The following CORIN variants were observed in gnomAD, a reference collection of about 807,000 sequenced individuals.
CORIN encodes the protein corin, serine peptidase.
In CORIN, 117 loss-of-function variants were observed where a neutral mutation model predicts 125.3. The observed-to-expected ratio is 0.93, with a 90% CI of 0.80 to 1.09. The LOEUF (loss-of-function observed/expected upper bound fraction) is 1.09. CORIN is among the 50% of genes least tolerant of loss of function. CORIN has a pLI of 0.00. For missense variants in CORIN, 1,253 were observed against 1,306.7 expected (o/e 0.96, Z 0.63); for synonymous variants, 450 against 466.4 (o/e 0.96, Z 0.45).
intron 3 of CORIN, among the ~76,000 whole-genome samples, chr4:47,783,401 C>CTACA (rs1305705727): frequency 1.3e-5 from 2 of 152,022 alleles, no homozygotes; most frequent in Non-Finnish European, 2.9e-5. Flanking sequence ...CCTAACTGTA[C>CTACA]TACATAGTGT....
chr4:47,697,090 C>T (rs1046321223), intron 5 of CORIN, among the ~76,000 whole-genome samples: 37 of 152,208 alleles, frequency 2.4e-4, no homozygotes, highest in Admixed American at 6.5e-4. Flanking sequence ...TGCTCGAAAT[C>T]AAGTACTATA....
intron 2 of CORIN, among the ~76,000 whole-genome samples, chr4:47,805,148 AAAT>A (rs1553919339): frequency 6.4e-4 from 82 of 129,092 alleles, no homozygotes; most frequent in South Asian, 1.3e-3. Flanking sequence ...AAAAAAAAAA[AAAT>A]AATAATAATA....
intron 1 of CORIN, among the ~76,000 whole-genome samples, chr4:47,820,603 C>T (rs878995748): frequency 6.6e-6 from 1 of 152,114 alleles, no homozygotes; most frequent in Non-Finnish European, 1.5e-5. Context: ...AAGTAGATCT[C>T]AGACTGGTAA....
chr4:47,832,039 T>C (rs1247123076), intron 1 of CORIN, among the ~76,000 whole-genome samples: 1 of 152,224 alleles, frequency 6.6e-6, no homozygotes, highest in Non-Finnish European at 1.5e-5. Context: ...CCCCCAAACA[T>C]TGTACTTAGT....
chr4:47,764,166 G>T (rs557755104), intron 3 of CORIN, among the ~76,000 whole-genome samples: 1 of 152,280 alleles, frequency 6.6e-6, no homozygotes, highest in East Asian at 1.9e-4. Context: ...AACGGATGAT[G>T]CTCATAATAT....
intron 19 of CORIN, among the ~76,000 whole-genome samples, chr4:47,612,351 C>A (rs1283266653): frequency 6.6e-6 from 1 of 152,134 alleles, no homozygotes; most frequent in Non-Finnish European, 1.5e-5. Flanking sequence ...GGAATCTGAC[C>A]TTCCAATTGT....
chr4:47,761,027 G>A (rs1414303346), intron 4 of CORIN, among the ~76,000 whole-genome samples: 1 of 152,186 alleles, frequency 6.6e-6, no homozygotes, highest in African/African-American at 2.4e-5. Flanking sequence ...ATTAGGCTTT[G>A]GCTTAAGAGA....
intron 1 of CORIN, among the ~76,000 whole-genome samples, chr4:47,814,449 A>AC (rs1356300191): frequency 2.6e-5 from 4 of 152,112 alleles, no homozygotes; most frequent in Non-Finnish European, 4.4e-5. Context: ...GTCAATTGTT[A>AC]CCCCCTCATT....
chr4:47,709,543 C>T (rs979837924), intron 5 of CORIN, among the ~76,000 whole-genome samples: 1 of 152,064 alleles, frequency 6.6e-6, no homozygotes, highest in Non-Finnish European at 1.5e-5. Flanking sequence ...TCACCCATCT[C>T]GGCCTCTCAA....
intron 3 of CORIN, among the ~76,000 whole-genome samples, chr4:47,780,810 T>A (rs1172428532): frequency 6.6e-6 from 1 of 152,110 alleles, no homozygotes; most frequent in Non-Finnish European, 1.5e-5. Context: ...GTTAAACTGG[T>A]ATAAATTCAA....
At chr4:47,805,981 C>T (rs1224336989) in intron 2 of CORIN, among the ~76,000 whole-genome samples, 1 of 152,094 alleles carries the variant, frequency 6.6e-6, no homozygotes, top group African/African-American at 2.4e-5. Context: ...ATTGCTTTTT[C>T]CAAAAAGTTC....
At chr4:47,642,492 T>C (rs1723274633) in intron 15 of CORIN, among the ~76,000 whole-genome samples, 1 of 152,354 alleles carries the variant, frequency 6.6e-6, no homozygotes, top group African/African-American at 2.4e-5. Context: ...TCCTATTATA[T>C]AAAGGAGAAT....
chr4:47,755,849 G>T (rs1729114168), intron 4 of CORIN, among the ~76,000 whole-genome samples: 1 of 152,222 alleles, frequency 6.6e-6, no homozygotes, highest in Middle Eastern at 3.2e-3. Context: ...TATACAAAAA[G>T]TGTAGTACAA....
chr4:47,758,427 C>A (rs1210342944), intron 4 of CORIN, among the ~76,000 whole-genome samples: 5 of 152,046 alleles, frequency 3.3e-5, no homozygotes, highest in Non-Finnish European at 7.4e-5. Flanking sequence ...AGAGTCAATG[C>A]AATTCCTATC....
chr4:47,623,220 T>G, intron 19 of CORIN, among the ~76,000 whole-genome samples: 1 of 151,806 alleles, frequency 6.6e-6, no homozygotes, highest in Non-Finnish European at 1.5e-5. Context: ...CATCCAAACC[T>G]CATTGTAGTA....
chr4:47,699,860 A>T (rs537330451), intron 5 of CORIN, among the ~76,000 whole-genome samples: 125 of 152,350 alleles, frequency 8.2e-4, no homozygotes, highest in Non-Finnish European at 1.1e-3. Flanking sequence ...CTTCTGCGGA[A>T]AATAATCTTC....
intron 21 of CORIN, among the ~76,000 whole-genome samples, chr4:47,599,295 A>G (rs1313306922): frequency 6.6e-6 from 1 of 152,168 alleles, no homozygotes; most frequent in Non-Finnish European, 1.5e-5. Context: ...CATGACAACT[A>G]TCTAAGGAAT....
At chr4:47,652,335 C>G (rs965744487) in intron 13 of CORIN, among the ~76,000 whole-genome samples, 2 of 152,144 alleles carry the variant, frequency 1.3e-5, no homozygotes, top group African/African-American at 4.8e-5. Context: ...TTGTCTAGAT[C>G]AGAAGGGCAA....
Position 47,623,725 on chromosome 4 carries a change from C to A in CORIN, c.2386G>T (p.Ala796Ser), listed in dbSNP as rs1376922404. 13 of 1,614,208 alleles carry A rather than the reference C, an allele frequency of 8.1e-6. No individual in the cohort carries two copies. The highest frequency in any genetic ancestry group is 1.0e-5 in the Non-Finnish European group (12 of 1,180,026). ...TKQDCGRRPA[A>S]RMNKRILGGR... Reference sequence around the variant, plus strand: ...CCAAGGATCCTTTTGTTCATTCGGGCAGCAGGGCGGCGCCCACAGTCTACC... The same window carrying A: ...CCAAGGATCCTTTTGTTCATTCGGGAAGCAGGGCGGCGCCCACAGTCTACC... The change falls in exon 19 of 22, where the codon GCC becomes TCC. Residue 796 changes from alanine to serine, a missense_variant. By Grantham distance (99) the Ala-to-Ser change is moderately conservative (BLOSUM62 1). Transcript: ENST00000273857.
Sources: allele counts gnomAD v4.1 joint callset (sites outside exome capture counted in the v4.1 genomes callset), GRCh38; gene constraint gnomAD v4.1.1; transcripts MANE v1.5; gene names NCBI Gene and HGNC (gene_info 2026-07-23, HGNC 2026-07-21).